The following LRP1B variants were observed in gnomAD, a reference collection of about 807,000 sequenced individuals.
LRP1B encodes the protein low-density lipoprotein receptor-related protein 1B.
Under a neutral mutation model 556.6 loss-of-function variants are expected in LRP1B, and 217 were observed. That is an observed-to-expected ratio of 0.39 (90% CI 0.35 to 0.44). The LOEUF is 0.44. LRP1B is among the 20% of genes least tolerant of loss of function. LRP1B has a pLI of 1.00. For synonymous variants in LRP1B, 2,047 were observed against 1,865.8 expected (o/e 1.10, Z -2.50); for missense variants, 5,053 against 5,620.8 (o/e 0.90, Z 3.23).
chr2:141,044,971 G>A (rs181950484), intron 11 of LRP1B, among the ~76,000 whole-genome samples: 2,734 of 150,852 alleles, frequency 0.018, 119 homozygotes, highest in East Asian at 0.18. Context: ...ACAGGCACAC[G>A]TATGTTTATT....
intron 2 of LRP1B, among the ~76,000 whole-genome samples, chr2:141,639,906 C>T (rs990549666): frequency 6.6e-6 from 1 of 152,102 alleles, no homozygotes; most frequent in African/African-American, 2.4e-5. Context: ...CTAAGGCCTG[C>T]CTTGGTAAAC....
intron 86 of LRP1B, among the ~76,000 whole-genome samples, chr2:140,249,082 G>A (rs1474153680): frequency 6.6e-6 from 1 of 151,324 alleles, no homozygotes. Context: ...TTAGATAAGT[G>A]ACCCAAGGCA....
rs76285735 is a variant in LRP1B, at chr2:140,467,448, T to A, written c.9625+7690A>T. Among the ~76,000 whole-genome samples, 243 of 135,714 alleles carry A rather than the reference T, an allele frequency of 1.8e-3. 1 individual carries two copies. Among genetic ancestry groups the A allele is most frequent in the African/African-American group, 6.5e-3 (223 of 34,564 alleles). 89.0% of individuals were successfully genotyped at this position (135,714 alleles called of 152,430 possible). On this transcript the variant is annotated intron_variant, in intron 60 of 90. Transcript: ENST00000389484. ...GTGAAACCCCATCTCTAGTAAAAAT[T>A]AAAAAAAAAAAAAATTTGCTGGGCC...
chr2:140,740,679 C>T (rs1355358089), intron 35 of LRP1B, among the ~76,000 whole-genome samples: 1 of 152,100 alleles, frequency 6.6e-6, no homozygotes. Context: ...GAAATTTATT[C>T]TCTACGTTCT....
In LRP1B at chr2:140,702,519, A is replaced by C; in HGVS notation, c.6058T>G (p.Cys2020Gly). The C allele has an allele frequency of 6.2e-7, 1 of 1,613,416 alleles. No individual in the cohort carries two copies. The highest frequency in any genetic ancestry group is 8.5e-7 in the Non-Finnish European group (1 of 1,179,576). The change falls in exon 38 of 91, where the codon TGT becomes GGT. Residue 2020 changes from cysteine to glycine, a missense_variant. Physicochemically the swap from Cys to Gly is radical, Grantham distance 159 (BLOSUM62 -3). Coordinates refer to ENST00000389484, the MANE Select transcript of LRP1B (RefSeq NM_018557.3). ...LFWTEWGQMP[C>G]IGKARLDGSE... ...CCATCCAAGCGAGCCTTTCCAATAC[A>C]GGGCATTTGTCCCCATTCAGTCCAG...
chr2:140,714,655 T>C (rs747997232), intron 37 of LRP1B, among the ~76,000 whole-genome samples: 1 of 152,164 alleles, frequency 6.6e-6, no homozygotes, highest in Non-Finnish European at 1.5e-5. Flanking sequence ...AGTGTATCTA[T>C]GGGATTGCAT....
In LRP1B at chr2:140,689,885, T is replaced by C. The variant is rs1011687561; in HGVS notation, c.6799+10365A>G. ...TCTGCAAACAGAAACCTTGTTAGAA[T>C]TTCTAACATGATGTACTGGGGCAGT... On this transcript the variant is annotated intron_variant, in intron 41 of 90. Coordinates refer to ENST00000389484, the MANE Select transcript of LRP1B (RefSeq NM_018557.3). Among the ~76,000 whole-genome samples, 3 of 152,308 alleles carry C rather than the reference T, an allele frequency of 2.0e-5. No individual in the cohort carries two copies. The East Asian group carries it at 5.8e-4, about 29-fold the overall frequency.
At chr2:140,553,535 G>A (rs1475743188) in intron 43 of LRP1B, among the ~76,000 whole-genome samples, 2 of 151,774 alleles carry the variant, frequency 1.3e-5, no homozygotes, top group East Asian at 3.9e-4. Flanking sequence ...CAACCCTCTA[G>A]ATAACTACCT....
At chr2:141,019,773 C>A in intron 12 of LRP1B, 149 bp downstream of exon 12, 1 of 529,908 alleles carries the variant, frequency 1.9e-6, no homozygotes, top group South Asian at 3.5e-5. Context: ...TACAGAAAAA[C>A]CCTTAAATGT....
chr2:141,824,531 AT>A (rs1696860681), intron 1 of LRP1B, among the ~76,000 whole-genome samples: 1 of 151,994 alleles, frequency 6.6e-6, no homozygotes, highest in Admixed American at 6.6e-5. Context: ...TGCCTGGCTA[AT>A]TTTTTGTCTT....
chr2:141,490,542 A>G lies in LRP1B; in HGVS notation c.206-10009T>C, dbSNP rs567418161. Among the ~76,000 whole-genome samples, 230 of 152,266 alleles carry G rather than the reference A, an allele frequency of 1.5e-3. 1 individual carries two copies. The highest frequency in any genetic ancestry group is 2.4e-3 in the Non-Finnish European group (166 of 68,002). On this transcript the variant is annotated intron_variant, in intron 2 of 90. Transcript: ENST00000389484. ...ACTTAGAATATAGACAAAGTTGGCA[A>G]ATAAAAAATATTGTGTGGACATAGC...
chr2:140,684,209 C>T (rs1467280791), intron 41 of LRP1B, among the ~76,000 whole-genome samples: 1 of 152,172 alleles, frequency 6.6e-6, no homozygotes, highest in Non-Finnish European at 1.5e-5. Flanking sequence ...ATGCATGGCT[C>T]ATGCCATCTG....
chr2:140,603,385 G>C (rs1031043740), intron 41 of LRP1B, among the ~76,000 whole-genome samples: 1 of 152,092 alleles, frequency 6.6e-6, no homozygotes, highest in African/African-American at 2.4e-5. Context: ...ACCTTTGCCA[G>C]TGTATTTTTT....
rs1291421642 is a variant in LRP1B at position 140,356,591 on chromosome 2, A to G, written c.11396-115T>C. On this transcript the variant is annotated intron_variant, in intron 74 of 90. Coordinates refer to ENST00000389484, the MANE Select transcript of LRP1B (RefSeq NM_018557.3). ...TTATTCCACAGATAACTCTTTTTGA[A>G]TGTACAAGGTTACGGTCTTCTCTCC... is the stretch of plus-strand genomic sequence containing the variant. The G allele has an allele frequency of 4.4e-6, 3 of 689,066 alleles. No homozygotes were observed. In the East Asian group the frequency reaches 8.3e-5, roughly 19 times the overall value. 42.7% of individuals were successfully genotyped at this position (689,066 alleles called of 1,614,324 possible). A position where few individuals can be genotyped will look rare whatever the true frequency, so the allele number is the denominator to read the frequency against.
intron 89 of LRP1B, among the ~76,000 whole-genome samples, chr2:140,236,963 GA>G (rs771735419): frequency 6.6e-6 from 1 of 150,906 alleles, no homozygotes; most frequent in Non-Finnish European, 1.5e-5. Flanking sequence ...ATACATTGCA[GA>G]AAAAATCAAA....
At chr2:140,589,758 G>A (rs1372025605) in intron 43 of LRP1B, among the ~76,000 whole-genome samples, 2 of 152,110 alleles carry the variant, frequency 1.3e-5, no homozygotes, top group Non-Finnish European at 2.9e-5. Context: ...AAGTTATAAA[G>A]TTTCTTTACA....
intron 47 of LRP1B, 76 bp from the exon 48 acceptor site, chr2:140,526,426 A>G: frequency 1.0e-6 from 1 of 954,356 alleles, no homozygotes; most frequent in South Asian, 1.5e-5. Flanking sequence ...GAATATTTCA[A>G]TTATTTTATA....
chr2:140,288,586 A>C (rs1351106708), intron 84 of LRP1B, among the ~76,000 whole-genome samples: 1 of 151,908 alleles, frequency 6.6e-6, no homozygotes, highest in East Asian at 1.9e-4. Context: ...TTTAGTCTGC[A>C]TGTCTCTACA....
chr2:140,391,836 TTC>T lies in LRP1B; in HGVS notation c.10415-5829_10415-5828del, dbSNP rs536784506. 3.7e-4 allele frequency among the ~76,000 whole-genome samples: 56 copies of T among 152,348 alleles called. No homozygotes were observed. The South Asian group carries it at 7.5e-3, about 20-fold the overall frequency. On this transcript the variant is annotated intron_variant, in intron 66 of 90. Transcript: ENST00000389484. ...GACATTTGAGGCTACCATGTTTTTA[TTC>T]TGTTTCATAATTAAAATGAAACAGA...
Sources: gnomAD v4.1 joint callset for allele counts (sites outside exome capture counted in the v4.1 genomes callset) on GRCh38, gnomAD v4.1.1 for gene constraint, MANE v1.5 for transcripts, NCBI Gene and HGNC (gene_info 2026-07-23, HGNC 2026-07-21) for gene names.